The following PPFIA2 variants were observed in gnomAD, a reference collection of about 807,000 sequenced individuals.
PPFIA2 encodes liprin-alpha-2.
Under a neutral mutation model 175.5 loss-of-function variants are expected in PPFIA2, and 46 were observed. The observed-to-expected ratio is 0.26, with a 90% CI of 0.21 to 0.34. The LOEUF is 0.34. Ranked by LOEUF, PPFIA2 falls within the 10% of genes least tolerant of loss-of-function variation. The pLI is 1.00. For synonymous variants in PPFIA2, 568 were observed against 511.4 expected (o/e 1.11, Z -1.49); for missense variants, 1,179 against 1,506.1 (o/e 0.78, Z 3.60).
chr12:81,486,244 T>C (rs1189471912), intron 4 of PPFIA2, among the ~76,000 whole-genome samples: 1 of 151,824 alleles, frequency 6.6e-6, no homozygotes, highest in African/African-American at 2.4e-5. Flanking sequence ...ACAAAGAGTT[T>C]AAGTGATTTT....
chr12:81,553,950 T>C (rs529636459), intron 4 of PPFIA2, among the ~76,000 whole-genome samples: 90 of 152,044 alleles, frequency 5.9e-4, no homozygotes, highest in Non-Finnish European at 1.0e-3. Flanking sequence ...ATGGTTTTCA[T>C]GGCATTTAAG....
intron 3 of PPFIA2, among the ~76,000 whole-genome samples, chr12:81,711,810 T>C (rs2077966437): frequency 1.3e-5 from 2 of 150,852 alleles, no homozygotes; most frequent in South Asian, 4.2e-4. Flanking sequence ...GGAGGAATAT[T>C]TCCAAATGTC....
chr12:81,479,005 T>C (rs944123234), intron 4 of PPFIA2, among the ~76,000 whole-genome samples: 8 of 152,138 alleles, frequency 5.3e-5, no homozygotes, highest in African/African-American at 1.9e-4. Flanking sequence ...CTATTTAATA[T>C]TGACAGTGGG....
chr12:81,550,525 G>A (rs926984724), intron 4 of PPFIA2, among the ~76,000 whole-genome samples: 14 of 152,006 alleles, frequency 9.2e-5, no homozygotes, highest in African/African-American at 3.4e-4. Flanking sequence ...GGCTGTGGAA[G>A]TAAACAGTAG....
At chr12:81,368,662 G>C in intron 13 of PPFIA2, 63 bp downstream of exon 13, 1 of 1,479,456 alleles carries the variant, frequency 6.8e-7, no homozygotes, top group Non-Finnish European at 9.2e-7. Context: ...GATTGCAGCT[G>C]TATATAAAAC....
intron 13 of PPFIA2, among the ~76,000 whole-genome samples, chr12:81,368,332 G>A (rs2034126539): frequency 2.0e-5 from 3 of 151,656 alleles, no homozygotes; most frequent in Admixed American, 1.3e-4. Context: ...TTAGACTGGT[G>A]TGTAGGTATC....
At chr12:81,728,099 A>T (rs2080331525) in intron 3 of PPFIA2, among the ~76,000 whole-genome samples, 1 of 151,442 alleles carries the variant, frequency 6.6e-6, no homozygotes, top group Non-Finnish European at 1.5e-5. Flanking sequence ...CTCTAATGCA[A>T]TAAGAAGAAA....
chr12:81,510,546 A>T (rs1054462355), intron 4 of PPFIA2, among the ~76,000 whole-genome samples: 1 of 152,174 alleles, frequency 6.6e-6, no homozygotes, highest in African/African-American at 2.4e-5. Context: ...AATTCTAAAG[A>T]CAACATCATG....
intron 6 of PPFIA2, 35 bp from the exon 7 acceptor site, chr12:81,440,081 CATCCCAT>C: frequency 2.1e-6 from 3 of 1,444,842 alleles, no homozygotes; most frequent in Non-Finnish European, 2.8e-6. Flanking sequence ...CAGTAATGTA[CATCCCAT>C]ACATATTAAA....
At chr12:81,718,864 T>C (rs544320069) in intron 3 of PPFIA2, among the ~76,000 whole-genome samples, 1 of 151,540 alleles carries the variant, frequency 6.6e-6, no homozygotes, top group Non-Finnish European at 1.5e-5. Flanking sequence ...GGCTTGGCAT[T>C]TATTCTAGCT....
intron 4 of PPFIA2, among the ~76,000 whole-genome samples, chr12:81,615,402 T>C (rs2061345691): frequency 6.6e-6 from 1 of 152,122 alleles, no homozygotes; most frequent in South Asian, 2.1e-4. Flanking sequence ...TAGACTGAAA[T>C]TTAAAAGACC....
intron 3 of PPFIA2, among the ~76,000 whole-genome samples, chr12:81,751,677 T>A (rs1049822700): frequency 6.6e-6 from 1 of 151,982 alleles, no homozygotes; most frequent in Non-Finnish European, 1.5e-5. Flanking sequence ...GGGATTTAGA[T>A]AAAAGGCTGG....
chr12:81,602,766 G>A (rs2059922690), intron 4 of PPFIA2, among the ~76,000 whole-genome samples: 1 of 151,782 alleles, frequency 6.6e-6, no homozygotes, highest in Admixed American at 6.6e-5. Context: ...TGAAAGAGAA[G>A]ATTGATTTAA....
At chr12:81,337,306 C>T (rs969544193) in intron 21 of PPFIA2, among the ~76,000 whole-genome samples, 47 of 152,090 alleles carry the variant, frequency 3.1e-4, no homozygotes, top group African/African-American at 1.1e-3. Context: ...TCTACCTCTG[C>T]TGTTCTATGA....
At position 81,516,576 on chromosome 12, in the gene PPFIA2, CA is replaced by C. The variant is rs550920219; in HGVS notation, c.304-58711del. ...TAAGCAGGAGAAATTTGGACAGAGA[CA>C]AACACATACACAGGAAGACAATATG... On this transcript the variant is annotated intron_variant, in intron 4 of 32. Coordinates refer to ENST00000549396, the MANE Select transcript of PPFIA2 (RefSeq NM_003625.5). Among the ~76,000 whole-genome samples, 5 of 152,142 alleles carry C rather than the reference CA, an allele frequency of 3.3e-5. No individual in the cohort carries two copies. In the East Asian group the frequency reaches 9.7e-4, roughly 29 times the overall value.
At chr12:81,267,208 T>C (rs781099641) in intron 29 of PPFIA2, 188 bp from the exon 30 acceptor site, 1 of 582,924 alleles carries the variant, frequency 1.7e-6, no homozygotes, top group East Asian at 3.1e-5. Flanking sequence ...CTTTTTTTTT[T>C]TTTTCTGTGA....
At chr12:81,343,018 T>A (rs1036135965) in intron 19 of PPFIA2, among the ~76,000 whole-genome samples, 1 of 151,536 alleles carries the variant, frequency 6.6e-6, no homozygotes, top group African/African-American at 2.4e-5. Context: ...TCACTTAGAG[T>A]TTTGGAATTA....
chr12:81,559,849 C>T (rs578176371), intron 4 of PPFIA2, among the ~76,000 whole-genome samples: 1 of 149,902 alleles, frequency 6.7e-6, no homozygotes, highest in East Asian at 2.0e-4. Context: ...TGTCTCATTT[C>T]CCCCAACCCA....
At chr12:81,644,134 ATTT>A (rs1487023313) in intron 4 of PPFIA2, among the ~76,000 whole-genome samples, 1 of 152,094 alleles carries the variant, frequency 6.6e-6, no homozygotes, top group Non-Finnish European at 1.5e-5. Flanking sequence ...AAAAATAATC[ATTT>A]TTAAGGATAC....
Sources: gnomAD v4.1 joint callset for allele counts (sites outside exome capture counted in the v4.1 genomes callset) on GRCh38, gnomAD v4.1.1 for gene constraint, MANE v1.5 for transcripts, NCBI Gene and HGNC (gene_info 2026-07-23, HGNC 2026-07-21) for gene names.